The following NELL2 variants were observed in gnomAD, a reference collection of about 807,000 sequenced individuals.
NELL2 encodes neural EGFL like 2, also known as protein kinase C-binding protein NELL2.
In NELL2, 41 loss-of-function variants were observed where a neutral mutation model predicts 109.6. The observed-to-expected ratio is 0.37, with a 90% CI of 0.29 to 0.49. The LOEUF (loss-of-function observed/expected upper bound fraction) is 0.49. Among genes scored for constraint, NELL2 ranks in the 20% least tolerant of loss-of-function variants. The probability of loss-of-function intolerance (pLI) is 0.98; values close to 1 mark genes in which losing one functional copy is unlikely to be tolerated. For missense variants in NELL2, 900 were observed against 1,008.3 expected (o/e 0.89, Z 1.45); for synonymous variants, 355 against 344.7 (o/e 1.03, Z -0.33).
intron 9 of NELL2, among the ~76,000 whole-genome samples, chr12:44,718,891 T>C (rs540842826): frequency 6.6e-6 from 1 of 152,262 alleles, no homozygotes; most frequent in East Asian, 1.9e-4. Context: ...TGCATTCACA[T>C]CATGGTCTGT....
chr12:44,904,607 C>A (rs1456819836), intron 1 of NELL2, among the ~76,000 whole-genome samples: 1 of 152,034 alleles, frequency 6.6e-6, no homozygotes, highest in East Asian at 1.9e-4. Flanking sequence ...TCCCAGTTAC[C>A]CTCATTGAAT....
chr12:44,835,530 G>A (rs1419941825), intron 2 of NELL2, among the ~76,000 whole-genome samples: 2 of 152,166 alleles, frequency 1.3e-5, no homozygotes, highest in Admixed American at 1.3e-4. Context: ...GCCGCTCAGG[G>A]CCAACACACG....
At chr12:44,540,870 G>C (rs1200742162) in intron 15 of NELL2, among the ~76,000 whole-genome samples, 2 of 142,776 alleles carry the variant, frequency 1.4e-5, no homozygotes, top group African/African-American at 5.2e-5. Context: ...TGAAATCAAG[G>C]AGCAATGGAT....
intron 15 of NELL2, among the ~76,000 whole-genome samples, chr12:44,558,092 T>C (rs1274831179): frequency 6.6e-6 from 1 of 152,164 alleles, no homozygotes; most frequent in African/African-American, 2.4e-5. Context: ...AGGAGAGGGC[T>C]ACGTTGGTAT....
At position 44,679,601 on chromosome 12, in the gene NELL2, C is replaced by T. The variant is rs546263018; in HGVS notation, c.1319-13992G>A. Among the ~76,000 whole-genome samples the T allele has an allele frequency of 2.6e-5, 4 of 152,200 alleles. No individual in the cohort carries two copies. The East Asian group carries it at 5.8e-4, about 22-fold the overall frequency. On this transcript the variant is annotated intron_variant, in intron 12 of 19. Transcript: ENST00000429094. ...CCACAGAACCTTTGTGAAGTTGAGACGTTTCCCAAATGCCTGCTTTAAGTT... is the reference window on the plus strand; with the variant it reads ...CCACAGAACCTTTGTGAAGTTGAGATGTTTCCCAAATGCCTGCTTTAAGTT...
chr12:44,635,196 G>A (rs1946591953), intron 13 of NELL2, among the ~76,000 whole-genome samples: 1 of 151,900 alleles, frequency 6.6e-6, no homozygotes, highest in Admixed American at 6.6e-5. Context: ...TTTGTCAGTT[G>A]GATAGATTGC....
intron 2 of NELL2, among the ~76,000 whole-genome samples, chr12:44,858,053 A>T (rs1226881161): frequency 6.6e-6 from 1 of 152,208 alleles, no homozygotes; most frequent in African/African-American, 2.4e-5. Context: ...CTGATAAGCT[A>T]ATTCCAAAAT....
rs1439012946 is a variant in NELL2, at chr12:44,532,708, G to A, written c.1677C>T (p.Cys559=). The change falls in exon 16 of 20, where the codon TGC becomes TGT. Residue 559 remains cysteine, a synonymous_variant. Coordinates refer to ENST00000429094, the MANE Select transcript of NELL2 (RefSeq NM_001145108.2). ...GPSCETDIDE[C]SDGFVQCDSR... The stretch of plus-strand genomic sequence containing the variant: ...TGTCACATTGAACAAAACCATCAGA[G>A]CATTCATCAATGTCTGGCAAAAAAA... The A allele has an allele frequency of 1.8e-5, 29 of 1,610,738 alleles. No homozygotes were observed. Among genetic ancestry groups the A allele is most frequent in the Non-Finnish European group, 2.3e-5 (27 of 1,178,634 alleles).
chr12:44,836,470 G>A (rs1944058150), intron 2 of NELL2, among the ~76,000 whole-genome samples: 1 of 152,124 alleles, frequency 6.6e-6, no homozygotes, highest in African/African-American at 2.4e-5. Context: ...AAAAGCACCT[G>A]CAAAAGAAAT....
chr12:44,919,973 A>C (rs1471827101), intron 1 of NELL2, among the ~76,000 whole-genome samples: 1 of 152,256 alleles, frequency 6.6e-6, no homozygotes, highest in Non-Finnish European at 1.5e-5. Flanking sequence ...GTTGATTTTC[A>C]TGGATAACTG....
At chr12:44,743,332 A>G (rs1207152925) in intron 9 of NELL2, among the ~76,000 whole-genome samples, 1 of 152,230 alleles carries the variant, frequency 6.6e-6, no homozygotes, top group Non-Finnish European at 1.5e-5. Context: ...AACCGGTACC[A>G]GCCACTGCAA....
intron 19 of NELL2, among the ~76,000 whole-genome samples, chr12:44,512,673 A>G (rs1941052139): frequency 6.6e-6 from 1 of 152,092 alleles, no homozygotes; most frequent in Non-Finnish European, 1.5e-5. Context: ...ATTTTCAACA[A>G]CATGGATGAG....
chr12:44,774,843 T>C lies in NELL2; in HGVS notation c.898A>G (p.Thr300Ala). The C allele has an allele frequency of 6.2e-7, 1 of 1,608,614 alleles. No homozygotes were observed. Among genetic ancestry groups the C allele is most frequent in the Non-Finnish European group, 8.5e-7 (1 of 1,177,162 alleles). The change falls in exon 9 of 20, where the codon ACC becomes GCC. Residue 300 changes from threonine to alanine, a missense_variant. Coordinates refer to ENST00000429094, the MANE Select transcript of NELL2 (RefSeq NM_001145108.2). ...GCKNCTCLNG[T>A]IQCETLICPN... ...CAGATTAGAGTTTCACACTGGATGG[T>C]TCCATTCTGAAAAGGAAACAATATT...
chr12:44,808,081 T>C (rs763896909), intron 3 of NELL2, among the ~76,000 whole-genome samples: 1 of 151,986 alleles, frequency 6.6e-6, no homozygotes, highest in Non-Finnish European at 1.5e-5. Flanking sequence ...AGGAGGAAAA[T>C]ACCCAAAATG....
intron 8 of NELL2, 40 bp downstream of exon 8, chr12:44,775,982 A>G: frequency 1.9e-6 from 3 of 1,595,744 alleles, no homozygotes; most frequent in Non-Finnish European, 2.6e-6. Context: ...GAGTGGGAGC[A>G]TCTGAGTTCC....
intron 1 of NELL2, among the ~76,000 whole-genome samples, chr12:44,887,275 C>T (rs1445201526): frequency 6.6e-6 from 1 of 151,984 alleles, no homozygotes; most frequent in Non-Finnish European, 1.5e-5. Context: ...CCTCGGCCTT[C>T]CAAAGTGCTG....
At chr12:44,789,561 G>A (rs776903863) in intron 3 of NELL2, among the ~76,000 whole-genome samples, 2 of 151,972 alleles carry the variant, frequency 1.3e-5, no homozygotes, top group African/African-American at 4.8e-5. Flanking sequence ...GAGAAAATAG[G>A]GCTCTTTAAC....
intron 9 of NELL2, among the ~76,000 whole-genome samples, chr12:44,746,211 T>C (rs1940341616): frequency 6.6e-6 from 1 of 152,232 alleles, no homozygotes. Context: ...GATTCCCTAT[T>C]TAATAAATGG....
chr12:44,524,592 T>G (rs551376170), intron 16 of NELL2, among the ~76,000 whole-genome samples: 1 of 152,206 alleles, frequency 6.6e-6, no homozygotes. Context: ...AGACTTGGAC[T>G]AGTAAAAACT....
Sources: allele counts gnomAD v4.1 joint callset (sites outside exome capture counted in the v4.1 genomes callset), GRCh38; gene constraint gnomAD v4.1.1; transcripts MANE v1.5; gene names NCBI Gene and HGNC (gene_info 2026-07-23, HGNC 2026-07-21).